Variants in GABARAPL1 observed in about 807,000 individuals in gnomAD.
GABARAPL1 encodes GABA type A receptor associated protein like 1, also known as gamma-aminobutyric acid receptor-associated protein-like 1.
GABARAPL1 carries 4 observed loss-of-function variants against 14.5 expected under a neutral mutation model. That is an observed-to-expected ratio of 0.28 (90% CI 0.14 to 0.63). The LOEUF (loss-of-function observed/expected upper bound fraction) is 0.63. GABARAPL1 is among the 30% of genes least tolerant of loss of function. The pLI, the probability that GABARAPL1 is intolerant of heterozygous loss-of-function variation, is 0.84. For missense variants in GABARAPL1, 82 were observed against 139.2 expected, an observed-to-expected ratio of 0.59 and a Z score of 2.07; for synonymous variants, 47 against 50.6, an observed-to-expected ratio of 0.93 and a Z score of 0.30.
At chr12:10,219,487 G>C (rs1192820172) in intron 2 of GABARAPL1, among the ~76,000 whole-genome samples, 1 of 152,054 alleles carries the variant, frequency 6.6e-6, no homozygotes, top group African/African-American at 2.4e-5. Context: ...AAGTTTTGTA[G>C]ATTTTGTTTG....
intron 1 of GABARAPL1, among the ~76,000 whole-genome samples, chr12:10,217,115 T>C (rs1042109109): frequency 6.6e-6 from 1 of 152,218 alleles, no homozygotes. Context: ...TATATTTTTA[T>C]AGATCTAGTA....
chr12:10,221,274 A>G (rs1949119104), intron 3 of GABARAPL1: 1 of 970,142 alleles, frequency 1.0e-6, no homozygotes, highest in African/African-American at 1.8e-5. Context: ...GATGTGGTTT[A>G]ATTGGAAGTG....
chr12:10,219,357 G>A (rs758063767), intron 2 of GABARAPL1, among the ~76,000 whole-genome samples: 4 of 151,018 alleles, frequency 2.6e-5, no homozygotes, highest in Non-Finnish European at 2.9e-5. Context: ...CCCAAAATTC[G>A]GCTTTGTTAA....
chr12:10,220,871 C>T (rs929850657), intron 3 of GABARAPL1: 12 of 1,413,834 alleles, frequency 8.5e-6, no homozygotes, highest in Non-Finnish European at 1.1e-5. Context: ...AGTTCCAAAG[C>T]GTCAGCCCAT....
At chr12:10,221,401 C>T (rs764618786) in intron 3 of GABARAPL1, 5 of 965,790 alleles carry the variant, frequency 5.2e-6, no homozygotes, top group African/African-American at 1.8e-5. Context: ...CATTGTGCTC[C>T]GTTAATGAAT....
At chr12:10,220,919 G>T in intron 3 of GABARAPL1, 1 of 1,349,206 alleles carries the variant, frequency 7.4e-7, no homozygotes, top group Non-Finnish European at 9.5e-7. Flanking sequence ...CATGTAATTT[G>T]TAATGCATTC....
Position 10,213,081 on chromosome 12 carries a change from C to A in GABARAPL1, c.-49C>A. ...TGAGGGAGCGGGACAGGGTCAGCGG[C>A]GAAGGAGGCAGGCCCCGCGCGGGGA... On this transcript the variant is annotated 5_prime_UTR_variant, in exon 1 of 4. Coordinates refer to ENST00000266458, the MANE Select transcript of GABARAPL1 (RefSeq NM_031412.4). 8.6e-7 allele frequency: 1 copy of A among 1,166,534 alleles called. No homozygotes were observed. The highest frequency in any genetic ancestry group is 1.3e-6 in the Non-Finnish European group (1 of 792,110). 72.3% of individuals were successfully genotyped at this position (1,166,534 alleles called of 1,614,324 possible).
intron 1 of GABARAPL1, chr12:10,213,492 AC>A: frequency 2.3e-6 from 1 of 441,392 alleles, no homozygotes; most frequent in Non-Finnish European, 4.3e-6. Context: ...CAACCCACAC[AC>A]GGTCTCAGCA....
rs1387299029 is a variant in GABARAPL1 at position 10,222,131 on chromosome 12, T to C, written c.*279T>C. The C allele has an allele frequency of 4.7e-6, 2 of 426,398 alleles. No homozygotes were observed. The highest frequency in any genetic ancestry group is 4.0e-5 in the African/African-American group (2 of 49,980). The allele number at this position is 426,398 out of a possible 1,614,324, so 26.4% of individuals were successfully genotyped here. A position where few individuals can be genotyped will look rare whatever the true frequency, so the allele number is the denominator to read the frequency against. ...ATGTAAGTTTACAGTATTCCTGGGG[T>C]TTAATTGTTGTGCAGTTTCATAGAT... On this transcript the variant is annotated 3_prime_UTR_variant, in exon 4 of 4. Coordinates refer to ENST00000266458, the MANE Select transcript of GABARAPL1 (RefSeq NM_031412.4).
In GABARAPL1 at chr12:10,220,541, A is replaced by G. The variant is rs746384197; in HGVS notation, c.271A>G (p.Met91Val). The G allele has an allele frequency of 1.5e-5, 24 of 1,613,936 alleles. No homozygotes were observed. Among genetic ancestry groups the G allele is most frequent in the South Asian group, 1.2e-4 (11 of 91,074 alleles). Residue 91 changes from methionine (M) to valine (V), a missense_variant, in exon 3 of 4, where the codon ATG (methionine) becomes GTG (valine). Coordinates refer to ENST00000266458, the MANE Select transcript of GABARAPL1 (RefSeq NM_031412.4). Reference protein sequence around the residue: ...NNTIPPTSATMGQLYEDNHEE... With the variant: ...NNTIPPTSATVGQLYEDNHEE... Reference sequence around the variant, plus strand: ...CACCATCCCTCCCACCAGTGCTACCATGGGCCAACTGTATGAGGTAATGGT... The same window carrying G: ...CACCATCCCTCCCACCAGTGCTACCGTGGGCCAACTGTATGAGGTAATGGT...
intron 1 of GABARAPL1, among the ~76,000 whole-genome samples, chr12:10,216,831 C>T (rs1949093154): frequency 6.6e-6 from 1 of 151,962 alleles, no homozygotes; most frequent in Non-Finnish European, 1.5e-5. Flanking sequence ...TGAGCCATTG[C>T]GCCCGGCAAT....
intron 1 of GABARAPL1, chr12:10,213,671 G>C: frequency 2.9e-6 from 1 of 348,258 alleles, no homozygotes; most frequent in Non-Finnish European, 5.7e-6. Flanking sequence ...CTCCTTTAAT[G>C]AAGTTGACTT....
At chr12:10,218,869 C>T (rs1023633107) in intron 2 of GABARAPL1, among the ~76,000 whole-genome samples, 10 of 151,592 alleles carry the variant, frequency 6.6e-5, no homozygotes, top group Non-Finnish European at 4.4e-5. Context: ...CCACCATACC[C>T]GGCTACTTTT....
intron 2 of GABARAPL1, among the ~76,000 whole-genome samples, chr12:10,219,254 G>A (rs1167748175): frequency 2.0e-5 from 3 of 151,528 alleles, no homozygotes; most frequent in Admixed American, 6.6e-5. Flanking sequence ...GGGAGGCAGA[G>A]GTTGCAGTGA....
rs751840653 is a variant in GABARAPL1 at position 10,220,630 on chromosome 12, T to C, written c.288+72T>C. On this transcript the variant is annotated intron_variant, in intron 3 of 3. Transcript: ENST00000266458. The stretch of plus-strand genomic sequence containing the variant: ...GGCATCCTCTAGCCCTTGTTCTAGA[T>C]GCGTTGATAACACATCTGAGAAGTG... 2.1e-5 allele frequency: 33 copies of C among 1,606,802 alleles called. No homozygotes were observed. The Admixed American group carries it at 5.6e-4, about 27-fold the overall frequency.
chr12:10,213,004 G>T lies in GABARAPL1; in HGVS notation c.-126G>T. 8.8e-5 allele frequency: 52 copies of T among 587,882 alleles called. No individual in the cohort carries two copies. The highest frequency in any genetic ancestry group is 3.2e-4 in the Middle Eastern group (1 of 3,110). The allele number at this position is 587,882 out of a possible 1,614,324, so 36.4% of individuals were successfully genotyped here. Reference sequence around the variant, plus strand: ...CCTGCACACTCGGCCCAGCGCTGTTGCCCCCGGAGCGGACGTTTCTGCAGC... The same window carrying T: ...CCTGCACACTCGGCCCAGCGCTGTTTCCCCCGGAGCGGACGTTTCTGCAGC... On this transcript the variant is annotated 5_prime_UTR_variant, in exon 1 of 4. Coordinates refer to ENST00000266458, the MANE Select transcript of GABARAPL1 (RefSeq NM_031412.4).
chr12:10,217,663 G>C (rs1262236375), intron 1 of GABARAPL1, among the ~76,000 whole-genome samples: 2 of 152,184 alleles, frequency 1.3e-5, no homozygotes, highest in Non-Finnish European at 2.9e-5. Flanking sequence ...AATCCGGGAG[G>C]TGGAGATTGC....
At chr12:10,214,084 C>T (rs977246738) in intron 1 of GABARAPL1, 1 of 302,668 alleles carries the variant, frequency 3.3e-6, no homozygotes, top group Non-Finnish European at 6.8e-6. Context: ...GCTGCGCAGC[C>T]GAATTGGAGG....
chr12:10,213,563 A>G (rs1470415204), intron 1 of GABARAPL1: 2 of 336,742 alleles, frequency 5.9e-6, no homozygotes, highest in Non-Finnish European at 1.2e-5. Context: ...GAGACTGGTT[A>G]GATCGGGGCC....
Sources: allele counts gnomAD v4.1 joint callset (sites outside exome capture counted in the v4.1 genomes callset), GRCh38; gene constraint gnomAD v4.1.1; transcripts MANE v1.5; gene names NCBI Gene and HGNC (gene_info 2026-07-23, HGNC 2026-07-21).